The following RASA3 variants were observed in gnomAD, a reference collection of about 807,000 sequenced individuals.
RASA3 encodes the protein RAS p21 protein activator 3.
In RASA3, 73 loss-of-function variants were observed where a neutral mutation model predicts 110.0. The observed-to-expected ratio is 0.66, with a 90% CI of 0.55 to 0.81. RASA3 has a LOEUF of 0.81. Among genes scored for constraint, RASA3 ranks in the 30% least tolerant of loss-of-function variants. The probability of loss-of-function intolerance (pLI) is 0.00; values close to 1 mark genes in which losing one functional copy is unlikely to be tolerated. For synonymous variants in RASA3, 500 were observed against 451.4 expected, an observed-to-expected ratio of 1.11 and a Z score of -1.37; for missense variants, 976 against 1,113.2, an observed-to-expected ratio of 0.88 and a Z score of 1.75.
chr13:113,990,462 G>C (rs1003178530), intron 22 of RASA3, among the ~76,000 whole-genome samples: 7 of 152,196 alleles, frequency 4.6e-5, no homozygotes, highest in African/African-American at 1.7e-4. Flanking sequence ...TTCAGAACCT[G>C]GGTCTTGTGT....
In RASA3 at chr13:114,029,972, G is replaced by C. The variant is rs1433591594; in HGVS notation, c.373-85C>G. ...GCCGCGCGCCCAGGGAAAGCCTAGA[G>C]GGCAAAGGGAGCAGGCGGCCCCGCC... On this transcript the variant is annotated intron_variant, in intron 4 of 23. Transcript: ENST00000334062. 7.6e-6 allele frequency: 10 copies of C among 1,312,694 alleles called. No homozygotes were observed. In the African/African-American group the frequency reaches 1.5e-4, roughly 19 times the overall value. The allele number at this position is 1,312,694 out of a possible 1,614,324, so 81.3% of individuals were successfully genotyped here.
At chr13:113,990,177 C>A (rs2053074215) in intron 22 of RASA3, among the ~76,000 whole-genome samples, 2 of 152,176 alleles carry the variant, frequency 1.3e-5, no homozygotes, top group South Asian at 4.1e-4. Flanking sequence ...AACCATGCTT[C>A]CTGTACAGCC....
Position 114,065,732 on chromosome 13 carries a change from G to T in RASA3, c.173+7988C>A, listed in dbSNP as rs1352949565. 6.6e-6 allele frequency among the ~76,000 whole-genome samples: 1 copy of T among 151,864 alleles called. No homozygotes were observed. Among genetic ancestry groups the T allele is most frequent in the African/African-American group, 2.4e-5 (1 of 41,342 alleles). On this transcript the variant is annotated intron_variant, in intron 2 of 23. Transcript: ENST00000334062. This position sits in a 1 kb window ranked among gnomAD's most constrained non-coding sequence, Gnocchi z 4.1. ...GGTCACACAGCCCTGGCTCCCAGAG[G>T]TCAGAGGCTGGAGGGCAGGGGTCCG...
intron 2 of RASA3, among the ~76,000 whole-genome samples, chr13:114,069,601 T>C (rs909699579): frequency 7.9e-4 from 1 of 1,266 alleles, no homozygotes; most frequent in Non-Finnish European, 1.3e-3. Context: ...GGTGGGAGAC[T>C]GGGGGAATGG....
chr13:114,089,370 A>C (rs2079862883), intron 1 of RASA3, among the ~76,000 whole-genome samples: 1 of 151,490 alleles, frequency 6.6e-6, no homozygotes, highest in African/African-American at 2.4e-5. Flanking sequence ...TGGAAACCTC[A>C]CAGAGGGTGA....
intron 4 of RASA3, among the ~76,000 whole-genome samples, chr13:114,031,228 T>C (rs1417989082): frequency 6.6e-6 from 1 of 151,752 alleles, no homozygotes; most frequent in Non-Finnish European, 1.5e-5. Flanking sequence ...TGTGTGCGTG[T>C]CCGTCTGTGT....
At chr13:114,015,354 G>A in intron 13 of RASA3, 22 bp from the exon 14 acceptor site, 1 of 1,611,424 alleles carries the variant, frequency 6.2e-7, no homozygotes, top group Non-Finnish European at 8.5e-7. Context: ...CACGGCACTG[G>A]GACCCACTCC....
At chr13:114,054,749 G>A (rs1249116805) in intron 2 of RASA3, among the ~76,000 whole-genome samples, 1 of 152,270 alleles carries the variant, frequency 6.6e-6, no homozygotes, top group African/African-American at 2.4e-5. Context: ...AATGAAGGCA[G>A]AATGCTCAGG....
intron 2 of RASA3, among the ~76,000 whole-genome samples, chr13:114,072,589 T>C (rs1394188223): frequency 2.0e-5 from 3 of 152,310 alleles, no homozygotes; most frequent in East Asian, 1.9e-4. Context: ...GGTTCATCTC[T>C]AATTAAAAAG....
intron 1 of RASA3, among the ~76,000 whole-genome samples, chr13:114,080,969 G>A (rs904387893): frequency 1.3e-3 from 176 of 131,420 alleles, no homozygotes; most frequent in Admixed American, 0.01. Flanking sequence ...CGTCCACCTA[G>A]AACACCAAGA....
In RASA3 at chr13:113,977,878, T is replaced by C. The variant is rs2052809953; in HGVS notation, c.*1469A>G. The C allele has an allele frequency of 6.6e-6, 1 of 152,424 alleles. No individual in the cohort carries two copies. The highest frequency in any genetic ancestry group is 1.9e-4 in the East Asian group (1 of 5,192). 9.4% of individuals were successfully genotyped at this position (152,424 alleles called of 1,614,324 possible). On this transcript the variant is annotated 3_prime_UTR_variant, in exon 24 of 24. Transcript: ENST00000334062. Reference sequence around the variant, plus strand: ...AGAAACATTAAGTTATAAATCCATGTTAAAAATTGCAGCTCAGTGCAGCCC... The same window carrying C: ...AGAAACATTAAGTTATAAATCCATGCTAAAAATTGCAGCTCAGTGCAGCCC...
rs1566585010 is a variant in RASA3, at chr13:114,116,921, T to TGAGCACGTGTGTGAGGG, written c.55+15497_55+15513dup. ...GTGAGGGGTGCACGTGTGTGAGGGG[T>TGAGCACGTGTGTGAGGG]GAGCACGTGTGTGAGGGGAGCACGT... On this transcript the variant is annotated intron_variant, in intron 1 of 23. Transcript: ENST00000334062. Among the ~76,000 whole-genome samples, 4 of 52,378 alleles carry TGAGCACGTGTGTGAGGG rather than the reference T, an allele frequency of 7.6e-5. 1 individual carries two copies. The highest frequency in any genetic ancestry group is 4.5e-4 in the Admixed American group (2 of 4,458). The allele number at this position is 52,378 out of a possible 152,430, so 34.4% of individuals were successfully genotyped here. A position where few individuals can be genotyped will look rare whatever the true frequency, so the allele number is the denominator to read the frequency against.
intron 1 of RASA3, among the ~76,000 whole-genome samples, chr13:114,127,384 T>C (rs1295475410): frequency 6.6e-6 from 1 of 152,200 alleles, no homozygotes; most frequent in East Asian, 1.9e-4. Flanking sequence ...TGGGTGGCTG[T>C]GGCCCTGCTT....
intron 22 of RASA3, among the ~76,000 whole-genome samples, chr13:113,988,899 C>G (rs995759753): frequency 9.3e-5 from 14 of 151,232 alleles, no homozygotes; most frequent in African/African-American, 2.9e-4. Flanking sequence ...ACCCATCTGT[C>G]CATCCACCCA....
chr13:114,123,753 G>A (rs2080410041), intron 1 of RASA3, among the ~76,000 whole-genome samples: 1 of 152,196 alleles, frequency 6.6e-6, no homozygotes, highest in African/African-American at 2.4e-5. Flanking sequence ...TGGGCCATGC[G>A]GGGCTGGGAG....
intron 3 of RASA3, among the ~76,000 whole-genome samples, chr13:114,044,993 C>T (rs549182450): frequency 6.6e-6 from 1 of 152,206 alleles, no homozygotes; most frequent in African/African-American, 2.4e-5. Context: ...GAACAAAATC[C>T]ACAACATTCA....
chr13:114,123,804 T>G (rs1177536811), intron 1 of RASA3, among the ~76,000 whole-genome samples: 1 of 152,144 alleles, frequency 6.6e-6, no homozygotes, highest in Non-Finnish European at 1.5e-5. Context: ...ATCTGTCTGG[T>G]CGGTGGTCAG....
intron 14 of RASA3, among the ~76,000 whole-genome samples, chr13:114,013,741 G>C (rs139424066): frequency 1.1e-5 from 1 of 93,540 alleles, no homozygotes; most frequent in Non-Finnish European, 2.1e-5. Flanking sequence ...TCTGTCTCTG[G>C]CTCTCTCTCT....
At chr13:113,981,635 T>C in intron 23 of RASA3, 40 bp downstream of exon 23, 1 of 1,484,746 alleles carries the variant, frequency 6.7e-7, no homozygotes, top group East Asian at 2.6e-5. Context: ...TCCCGCCCAC[T>C]ACACTGGCCG....
Sources: gnomAD v4.1 joint callset for allele counts (sites outside exome capture counted in the v4.1 genomes callset) on GRCh38, gnomAD v4.1.1 for gene constraint, Gnocchi (gnomAD v3.1) non-coding constraint, MANE v1.5 for transcripts, NCBI Gene and HGNC (gene_info 2026-07-23, HGNC 2026-07-21) for gene names.